The following TBC1D32 variants were observed in gnomAD, a reference collection of about 807,000 sequenced individuals.
The protein encoded by TBC1D32 is TBC1 domain family member 32.
TBC1D32 carries 151 observed loss-of-function variants against 170.3 expected under a neutral mutation model. The ratio of observed to expected loss-of-function variants is 0.89; its 90% CI spans 0.78 to 1.01. TBC1D32 has a LOEUF of 1.01. Ranked by LOEUF, TBC1D32 falls within the 50% of genes least tolerant of loss-of-function variation. The pLI is 0.00. For synonymous variants in TBC1D32, 498 were observed against 488.0 expected (o/e 1.02, Z -0.27); for missense variants, 1,464 against 1,457.1 (o/e 1.00, Z -0.08).
chr6:121,264,003 C>A lies in TBC1D32; in HGVS notation c.1734-7718G>T, dbSNP rs528879933. ...GGAAGCTAGAAAGATCTCAAATCGACACCATAACATCAAAACTAAAATAAC... is the reference window on the plus strand; with the variant it reads ...GGAAGCTAGAAAGATCTCAAATCGAAACCATAACATCAAAACTAAAATAAC... On this transcript the variant is annotated intron_variant, in intron 15 of 31. Coordinates refer to ENST00000398212, the MANE Select transcript of TBC1D32 (RefSeq NM_152730.6). Among the ~76,000 whole-genome samples the A allele has an allele frequency of 2.0e-5, 3 of 152,174 alleles. No individual in the cohort carries two copies. The South Asian group carries it at 6.2e-4, about 32-fold the overall frequency.
At chr6:121,205,304 G>T (rs9320796) in intron 21 of TBC1D32, 141 bp from the exon 22 acceptor site, 58 of 441,918 alleles carry the variant, frequency 1.3e-4, no homozygotes, top group African/African-American at 1.1e-3. Flanking sequence ...ATAATAAGAA[G>T]AAGAAGAAGA....
chr6:121,277,073 A>G (rs988803250), intron 15 of TBC1D32, among the ~76,000 whole-genome samples: 1 of 152,198 alleles, frequency 6.6e-6, no homozygotes, highest in African/African-American at 2.4e-5. Context: ...ACATCCAACA[A>G]TAGTAGAATA....
rs559061906 is a variant in TBC1D32, at chr6:121,182,726, C to T, written c.2571-21670G>A. 7.2e-5 allele frequency among the ~76,000 whole-genome samples: 11 copies of T among 151,784 alleles called. No homozygotes were observed. The East Asian group carries it at 1.7e-3, about 24-fold the overall frequency. On this transcript the variant is annotated intron_variant, in intron 22 of 31. Transcript: ENST00000398212. ...ATTACCAGAAAAATACATCTGAAAA[C>T]ATTCCTATTATTAGAATTATAAGCA...
chr6:121,284,548 T>C lies in TBC1D32; in HGVS notation c.1373-638A>G, dbSNP rs576973537. 5.4e-4 allele frequency among the ~76,000 whole-genome samples: 82 copies of C among 152,294 alleles called. 1 individual carries two copies. Among genetic ancestry groups the C allele is most frequent in the Middle Eastern group, 3.4e-3 (1 of 294 alleles). Reference sequence around the variant, plus strand: ...AAAAACCATTCTTAGCTCACAACTGTACAAACAAGATAGTGGACCAAATGT... The same window carrying C: ...AAAAACCATTCTTAGCTCACAACTGCACAAACAAGATAGTGGACCAAATGT... On this transcript the variant is annotated intron_variant, in intron 12 of 31. Transcript: ENST00000398212.
intron 26 of TBC1D32, among the ~76,000 whole-genome samples, chr6:121,122,684 C>A (rs772569465): frequency 6.6e-5 from 10 of 152,068 alleles, no homozygotes; most frequent in Non-Finnish European, 1.3e-4. Flanking sequence ...TATCATTACA[C>A]CTTTTAACTT....
intron 22 of TBC1D32, among the ~76,000 whole-genome samples, chr6:121,180,894 A>G (rs1788418201): frequency 1.3e-5 from 2 of 152,078 alleles, no homozygotes. Flanking sequence ...ACAAATAATG[A>G]TAATAATAAT....
chr6:121,081,647 G>GA (rs899172082), intron 31 of TBC1D32, among the ~76,000 whole-genome samples: 17 of 151,242 alleles, frequency 1.1e-4, no homozygotes, highest in African/African-American at 4.1e-4. Flanking sequence ...ATAAGAAGAA[G>GA]AAAAAAAAGC....
chr6:121,198,701 A>G (rs1187269616), intron 22 of TBC1D32, among the ~76,000 whole-genome samples: 1 of 151,184 alleles, frequency 6.6e-6, no homozygotes, highest in Non-Finnish European at 1.5e-5. Context: ...CAGTGAGCCG[A>G]GATCCCGCCA....
intron 24 of TBC1D32, among the ~76,000 whole-genome samples, chr6:121,138,129 A>C (rs1166054777): frequency 2.0e-5 from 3 of 152,140 alleles, no homozygotes; most frequent in African/African-American, 7.2e-5. Flanking sequence ...AAGCAATTCT[A>C]CAGAAAACTA....
chr6:121,098,095 A>C (rs138363199), intron 30 of TBC1D32, among the ~76,000 whole-genome samples: 1,721 of 151,974 alleles, frequency 0.011, 100 homozygotes, highest in Admixed American at 0.091. Context: ...TACCTAATGT[A>C]GATGATGGGT....
At chr6:121,134,574 G>C (rs1419776020) in intron 24 of TBC1D32, among the ~76,000 whole-genome samples, 1 of 152,076 alleles carries the variant, frequency 6.6e-6, no homozygotes, top group African/African-American at 2.4e-5. Context: ...CTGACTAAAA[G>C]ACTATTAGAG....
intron 1 of TBC1D32, among the ~76,000 whole-genome samples, chr6:121,331,818 C>T (rs1249147179): frequency 6.6e-6 from 1 of 152,140 alleles, no homozygotes; most frequent in African/African-American, 2.4e-5. Flanking sequence ...CTCCTCTTTT[C>T]CTTTCTCATA....
At chr6:121,086,717 G>A (rs1776300421) in intron 31 of TBC1D32, among the ~76,000 whole-genome samples, 1 of 152,130 alleles carries the variant, frequency 6.6e-6, no homozygotes, top group Admixed American at 6.6e-5. Context: ...TGTCAGTGAA[G>A]TTTGTCCCCA....
intron 22 of TBC1D32, among the ~76,000 whole-genome samples, chr6:121,176,894 C>T (rs1336494713): frequency 6.6e-6 from 1 of 152,210 alleles, no homozygotes; most frequent in Non-Finnish European, 1.5e-5. Flanking sequence ...AGCCACCACA[C>T]CCAGCCCAAG....
Position 121,304,793 on chromosome 6 carries a change from G to A in TBC1D32, c.731C>T (p.Ser244Phe), listed in dbSNP as rs756173006. Residue 244 changes from serine (S) to phenylalanine (F), a missense_variant, in exon 6 of 32, where the codon TCT becomes TTT. By Grantham distance (155) the Ser-to-Phe change is radical (BLOSUM62 -2). Around this residue, in one of 3 missense-constraint regions of TBC1D32, gnomAD observed 1,363 missense variants for 1,338.1 expected, o/e 1.02. Transcript: ENST00000398212. Reference sequence around the variant, plus strand: ...AATTTCCTTGGTCATATGTAATGGAGAAAGCAAAAATGTCTGTGCACAGAA... The same window carrying A: ...AATTTCCTTGGTCATATGTAATGGAAAAAGCAAAAATGTCTGTGCACAGAA... ...LKFCAQTFLL[S>F]PLHMTKEIYT... 6.2e-6 allele frequency: 10 copies of A among 1,608,706 alleles called. No homozygotes were observed. Among genetic ancestry groups the A allele is most frequent in the Non-Finnish European group, 8.5e-6 (10 of 1,178,274 alleles).
chr6:121,177,415 C>G (rs1787921160), intron 22 of TBC1D32, among the ~76,000 whole-genome samples: 1 of 152,170 alleles, frequency 6.6e-6, no homozygotes, highest in African/African-American at 2.4e-5. Flanking sequence ...TGGACGCTTC[C>G]TGAGGCCTCC....
At chr6:121,212,179 A>G (rs9398625) in intron 21 of TBC1D32, among the ~76,000 whole-genome samples, 103,984 of 151,956 alleles carry the variant, frequency 0.68, 40,751 homozygotes, top group Non-Finnish European at 0.87. Context: ...CCAGGAACAA[A>G]GTGATTCCCA....
intron 20 of TBC1D32, among the ~76,000 whole-genome samples, chr6:121,227,823 G>A (rs527887607): frequency 3.3e-5 from 5 of 152,098 alleles, no homozygotes; most frequent in African/African-American, 1.2e-4. Flanking sequence ...TCATAAATTA[G>A]AAATGGTTTC....
At chr6:121,289,801 A>C (rs1804528396) in intron 12 of TBC1D32, among the ~76,000 whole-genome samples, 1 of 73,662 alleles carries the variant, frequency 1.4e-5, no homozygotes, top group Non-Finnish European at 5.5e-5. Context: ...CAAAACAGAG[A>C]TATAGACCAA....
Sources: allele counts gnomAD v4.1 joint callset (sites outside exome capture counted in the v4.1 genomes callset), GRCh38; gene constraint gnomAD v4.1.1; regional missense constraint gnomAD v4.1.1; transcripts MANE v1.5; gene names NCBI Gene and HGNC (gene_info 2026-07-23, HGNC 2026-07-21).